Variants in EP300 observed in about 807,000 individuals in gnomAD.
EP300 encodes the protein histone acetyltransferase p300.
Under a neutral mutation model 264.0 loss-of-function variants are expected in EP300, and 31 were observed. The observed-to-expected ratio is 0.12, with a 90% CI of 0.09 to 0.16. The LOEUF is 0.16. Ranked by LOEUF, EP300 falls within the 10% of genes least tolerant of loss-of-function variation. The pLI is 1.00. For missense variants in EP300, 2,766 were observed against 3,052.9 expected (o/e 0.91, Z 2.21); for synonymous variants, 1,340 against 1,045.4 (o/e 1.28, Z -5.44).
chr22:41,154,205 C>A (rs1031679626), intron 16 of EP300, among the ~76,000 whole-genome samples: 2 of 152,074 alleles, frequency 1.3e-5, no homozygotes, highest in Non-Finnish European at 1.5e-5. Flanking sequence ...CTCTAAAATA[C>A]CAAGCATTTG....
chr22:41,178,448 C>T lies in EP300; in HGVS notation c.6737C>T (p.Pro2246Leu). The T allele has an allele frequency of 1.2e-6, 2 of 1,614,068 alleles. No homozygotes were observed. The highest frequency in any genetic ancestry group is 1.7e-6 in the Non-Finnish European group (2 of 1,180,008). Residue 2246 changes from proline (P) to leucine (L), a missense_variant, in exon 31 of 31, where the codon CCC (proline) becomes CTC (leucine). Transcript: ENST00000263253. ...QGNMGQIGQL[P>L]QALGAEAGAS... ...AATATGGGACAGATAGGCCAGCTTCCCCAGGCCTTGGGAGCAGAGGCAGGT... is the reference window on the plus strand; with the variant it reads ...AATATGGGACAGATAGGCCAGCTTCTCCAGGCCTTGGGAGCAGAGGCAGGT...
At chr22:41,103,466 T>G (rs2058742502) in intron 1 of EP300, among the ~76,000 whole-genome samples, 2 of 152,204 alleles carry the variant, frequency 1.3e-5, no homozygotes, top group African/African-American at 4.8e-5. Context: ...TTTAAAAGGT[T>G]TTTTAAATGT....
chr22:41,178,482 A>G lies in EP300; in HGVS notation c.6771A>G (p.Leu2257=), dbSNP rs1277278657. 1.2e-6 allele frequency: 2 copies of G among 1,613,904 alleles called. No homozygotes were observed. Among genetic ancestry groups the G allele is most frequent in the Admixed American group, 3.3e-5 (2 of 59,986 alleles). The change falls in exon 31 of 31, where the codon CTA becomes CTG. Residue 2257 remains leucine, a synonymous_variant. Transcript: ENST00000263253. The part of the protein sequence containing the change: ...QALGAEAGAS[L]QAYQQRLLQQ... The stretch of plus-strand genomic sequence containing the variant: ...TGGGAGCAGAGGCAGGTGCCAGTCT[A>G]CAGGCCTATCAGCAGCGACTCCTTC...
chr22:41,167,822 T>G (rs1368231973), intron 23 of EP300, among the ~76,000 whole-genome samples: 35 of 34,994 alleles, frequency 1.0e-3, no homozygotes, highest in East Asian at 8.9e-3. Context: ...TTGTTTTTTT[T>G]TTTGTTTTTT....
intron 18 of EP300, among the ~76,000 whole-genome samples, chr22:41,157,691 A>C (rs538002504): frequency 6.6e-6 from 1 of 151,336 alleles, no homozygotes; most frequent in Non-Finnish European, 1.5e-5. Context: ...CTGATTTTTT[A>C]AATTTGTTTT....
At chr22:41,148,030 C>G (rs1250766004) in intron 12 of EP300, 84 bp downstream of exon 12, 3 of 963,112 alleles carry the variant, frequency 3.1e-6, no homozygotes, top group Non-Finnish European at 4.7e-6. Flanking sequence ...TAAATTCTCA[C>G]AGTCATTTAA....
At chr22:41,143,747 T>C (rs2058995735) in intron 10 of EP300, among the ~76,000 whole-genome samples, 1 of 152,158 alleles carries the variant, frequency 6.6e-6, no homozygotes, top group Admixed American at 6.5e-5. Context: ...AACTAATGTT[T>C]TGTATTTTCA....
At chr22:41,098,163 A>T (rs1311489139) in intron 1 of EP300, among the ~76,000 whole-genome samples, 5 of 152,042 alleles carry the variant, frequency 3.3e-5, no homozygotes, top group African/African-American at 4.8e-5. Flanking sequence ...CTGCTAAAAA[A>T]TTTTTTAACA....
chr22:41,178,182 C>T lies in EP300; in HGVS notation c.6471C>T (p.Pro2157=), dbSNP rs2059214311. 2 of 1,614,066 alleles carry T rather than the reference C, an allele frequency of 1.2e-6. No individual in the cohort carries two copies. The highest frequency in any genetic ancestry group is 1.3e-5 in the African/African-American group (1 of 74,916). Reference sequence around the variant, plus strand: ...AACCACAGCAGCAACTCCAGCCACCCATGGGAGGGATGAGCCCCCAGGCTC... The same window carrying T: ...AACCACAGCAGCAACTCCAGCCACCTATGGGAGGGATGAGCCCCCAGGCTC... ...QQQPQQQLQP[P]MGGMSPQAQQ... is the part of the protein sequence containing the mutation. The change falls in exon 31 of 31, where the codon CCC becomes CCT. Residue 2157 remains proline, a synonymous_variant. Coordinates refer to ENST00000263253, the MANE Select transcript of EP300 (RefSeq NM_001429.4).
intron 1 of EP300, among the ~76,000 whole-genome samples, chr22:41,099,285 G>A (rs1359483301): frequency 2.0e-5 from 3 of 151,680 alleles, no homozygotes; most frequent in Non-Finnish European, 1.5e-5. Context: ...CACCCACCTC[G>A]GCCTCCCAAA....
Position 41,178,849 on chromosome 22 carries a change from C to T in EP300, c.7138C>T (p.Pro2380Ser). 2 of 1,614,216 alleles carry T rather than the reference C, an allele frequency of 1.2e-6. No homozygotes were observed. Among genetic ancestry groups the T allele is most frequent in the Non-Finnish European group, 1.7e-6 (2 of 1,180,038 alleles). The change falls in exon 31 of 31, where the codon CCA becomes TCA. Residue 2380 changes from proline to serine, a missense_variant. Pro to Ser is a moderately conservative substitution (Grantham distance 74). Coordinates refer to ENST00000263253, the MANE Select transcript of EP300 (RefSeq NM_001429.4). ...AATGCTTTCTCAGCTTGCTAGCAAT[C>T]CAGGCATGGCAAACCTCCATGGTGC... is the stretch of plus-strand genomic sequence containing the variant. ...NSMLSQLASN[P>S]GMANLHGASA...
chr22:41,169,466 T>G, intron 25 of EP300, 37 bp from the exon 26 acceptor site: 2 of 1,344,874 alleles, frequency 1.5e-6, no homozygotes, highest in Non-Finnish European at 2.1e-6. Flanking sequence ...GTGACCTGAC[T>G]TTTTTTTTCC....
chr22:41,146,929 C>A, intron 11 of EP300, 113 bp downstream of exon 11: 1 of 915,802 alleles, frequency 1.1e-6, no homozygotes, highest in Non-Finnish European at 1.7e-6. Flanking sequence ...TGATTACCTG[C>A]CCATAGAGGA....
chr22:41,146,088 A>G (rs776278242), intron 10 of EP300, among the ~76,000 whole-genome samples: 1 of 152,008 alleles, frequency 6.6e-6, no homozygotes, highest in Non-Finnish European at 1.5e-5. Flanking sequence ...GCTATTATCC[A>G]TGGAGATACT....
At chr22:41,168,958 A>C (rs2059155284) in intron 25 of EP300, 91 bp downstream of exon 25, 1 of 1,577,714 alleles carries the variant, frequency 6.3e-7, no homozygotes, top group African/African-American at 1.3e-5. Context: ...GAAAATGTTT[A>C]GTGTGTTTGG....
rs377763622 is a variant in EP300 at position 41,150,003 on chromosome 22, G to C, written c.2622G>C (p.Gln874His). The change falls in exon 14 of 31, where the codon CAG becomes CAC. Residue 874 changes from glutamine (Q) to histidine (H), a missense_variant. By Grantham distance (24) the Gln-to-His change is conservative (BLOSUM62 0). Coordinates refer to ENST00000263253, the MANE Select transcript of EP300 (RefSeq NM_001429.4). ...PTPPAMPPGP[Q>H]SQALHPPPRQ... ...CTCCTGCCATGCCACCTGGGCCACA[G>C]TCCCAGGCTCTACATCCCCCTCCAA... The C allele has an allele frequency of 4.3e-6, 7 of 1,613,630 alleles. No individual in the cohort carries two copies. In the African/African-American group the frequency reaches 5.3e-5, roughly 12 times the overall value.
chr22:41,167,618 ATATATATATATATAT>A (rs2059145420), intron 23 of EP300, among the ~76,000 whole-genome samples: 1 of 51,796 alleles, frequency 1.9e-5, no homozygotes, highest in Admixed American at 2.0e-4. Flanking sequence ...ATATATATAT[ATATATATATATATAT>A]ATAATGTTTG....
intron 13 of EP300, 62 bp from the exon 14 acceptor site, chr22:41,149,699 A>T: frequency 2.6e-6 from 4 of 1,518,888 alleles, no homozygotes; most frequent in Non-Finnish European, 3.6e-6. Flanking sequence ...TATCATGCCT[A>T]TGTAAGTATT....
intron 14 of EP300, among the ~76,000 whole-genome samples, chr22:41,150,427 G>T (rs757903765): frequency 4.5e-4 from 69 of 152,104 alleles, no homozygotes; most frequent in Admixed American, 2.0e-4. Flanking sequence ...TGACCATTAT[G>T]TTTCATGTTG....
Sources: gnomAD v4.1 joint callset for allele counts (sites outside exome capture counted in the v4.1 genomes callset) on GRCh38, gnomAD v4.1.1 for gene constraint, MANE v1.5 for transcripts, NCBI Gene and HGNC (gene_info 2026-07-23, HGNC 2026-07-21) for gene names.